IL27: variants seen among roughly 807,000 people sequenced by gnomAD.
IL27 encodes interleukin 27.
IL27 carries 11 observed loss-of-function variants against 27.0 expected under a neutral mutation model. That is an observed-to-expected ratio of 0.41 (90% CI 0.26 to 0.67). The LOEUF is 0.67. Ranked by LOEUF, IL27 falls within the 30% of genes least tolerant of loss-of-function variation. IL27 has a pLI of 0.34. For missense variants in IL27, 299 were observed against 310.4 expected, an observed-to-expected ratio of 0.96 and a Z score of 0.28; for synonymous variants, 134 against 140.6, an observed-to-expected ratio of 0.95 and a Z score of 0.33.
In IL27 at chr16:28,500,343, C is replaced by T. The variant is rs1186408498; in HGVS notation, c.463-423G>A. ...AGGCTGGAGTGCAGTGGGGTGATCA[C>T]GGCTCACTGCAACCTCTGTCTCCCC... On this transcript the variant is annotated intron_variant, in intron 4 of 4. Transcript: ENST00000356897. 4.6e-5 allele frequency among the ~76,000 whole-genome samples: 7 copies of T among 152,014 alleles called. No homozygotes were observed. In the East Asian group the frequency reaches 5.8e-4, roughly 13 times the overall value.
At position 28,503,865 on chromosome 16, in the gene IL27, TAGGGGG is replaced by T. The variant is rs2046447485; in HGVS notation, c.204+7_204+12del. ...TGCCCATCTCCAGCGCCAGCTGCAT[TAGGGGG>T]ACTTACAAAGCGGTGGGCCTGGCCC... is the stretch of plus-strand genomic sequence containing the variant. On this transcript the variant is annotated splice_region_variant and intron_variant, in intron 2 of 4. Transcript: ENST00000356897. 6.2e-7 allele frequency: 1 copy of T among 1,609,124 alleles called. No individual in the cohort carries two copies. Among genetic ancestry groups the T allele is most frequent in the Non-Finnish European group, 8.5e-7 (1 of 1,177,510 alleles).
intron 1 of IL27, among the ~76,000 whole-genome samples, chr16:28,505,968 T>C (rs891491489): frequency 7.2e-5 from 11 of 152,074 alleles, no homozygotes; most frequent in Admixed American, 2.0e-4. Flanking sequence ...GTAAGATCTC[T>C]GGCATTCAGA....
At chr16:28,500,919 G>A (rs757689233) in intron 4 of IL27, among the ~76,000 whole-genome samples, 4 of 152,006 alleles carry the variant, frequency 2.6e-5, no homozygotes, top group Non-Finnish European at 5.9e-5. Flanking sequence ...CACATTCATG[G>A]CTGGGCACAG....
intron 3 of IL27, 65 bp from the exon 4 acceptor site, chr16:28,502,199 C>A (rs751488906): frequency 4.1e-6 from 6 of 1,450,082 alleles, no homozygotes; most frequent in Non-Finnish European, 4.7e-6. Flanking sequence ...ACACCCACCC[C>A]CTCCCTATCC....
chr16:28,501,839 GA>G, intron 4 of IL27, 136 bp downstream of exon 4: 1 of 1,044,824 alleles, frequency 9.6e-7, no homozygotes, highest in Non-Finnish European at 1.4e-6. Flanking sequence ...TCACACTCAT[GA>G]ACCCACACAC....
intron 3 of IL27, 76 bp downstream of exon 3, chr16:28,503,613 CAGCTCA>C: frequency 1.0e-6 from 1 of 994,824 alleles, no homozygotes; most frequent in Non-Finnish European, 1.5e-6. Flanking sequence ...AATGCATCTC[CAGCTCA>C]ATCTCCAGCC....
chr16:28,499,976 C>A, intron 4 of IL27, 56 bp from the exon 5 acceptor site: 1 of 1,480,046 alleles, frequency 6.8e-7, no homozygotes, highest in South Asian at 1.3e-5. Context: ...TGAGAGGAAT[C>A]CTCATTCCCT....
At chr16:28,503,560 CT>C in intron 3 of IL27, 134 bp downstream of exon 3, 2 of 664,944 alleles carry the variant, frequency 3.0e-6, no homozygotes, top group Non-Finnish European at 2.6e-6. Context: ...TCTTTCATCT[CT>C]ATGTCCAATG....
rs895309563 is a variant in IL27 at position 28,499,861 on chromosome 16, C to CTCCTCCTCCTCCTCT, written c.507_521dup (p.Glu172_Glu176dup). The CTCCTCCTCCTCCTCT allele has an allele frequency of 6.4e-7, 1 of 1,555,624 alleles. No individual in the cohort carries two copies. The highest frequency in any genetic ancestry group is 1.4e-5 in the African/African-American group (1 of 73,132). On this transcript the variant is annotated inframe_insertion, in exon 5 of 5. Coordinates refer to ENST00000356897, the MANE Select transcript of IL27 (RefSeq NM_145659.3). ...CTGGGAGCAGCCCCTTCCTCTCCTCCTCCTCCTCCTCCTCTTCCTCCTCCT... is the reference window on the plus strand; with the variant it reads ...CTGGGAGCAGCCCCTTCCTCTCCTCCTCCTCCTCCTCCTCTTCCTCCTCCTCCTCTTCCTCCTCCT...
Position 28,502,167 on chromosome 16 carries a change from A to G in IL27, c.304-33T>C, listed in dbSNP as rs753113793. On this transcript the variant is annotated intron_variant, in intron 3 of 4. Transcript: ENST00000356897. ...GGAGGGAGATGGTCAGGAAAGGTCC[A>G]CAGGCCAAGGATGGCCATATCACAC... The G allele has an allele frequency of 9.7e-6, 15 of 1,553,626 alleles. No homozygotes were observed. In the East Asian group the frequency reaches 3.4e-4, roughly 35 times the overall value.
intron 1 of IL27, among the ~76,000 whole-genome samples, chr16:28,505,182 G>A (rs532651436): frequency 2.6e-5 from 4 of 152,354 alleles, no homozygotes; most frequent in East Asian, 1.9e-4. Flanking sequence ...TCAGCCAAGC[G>A]GCTCTGATGG....
intron 1 of IL27, among the ~76,000 whole-genome samples, chr16:28,504,537 G>A (rs1046959021): frequency 1.3e-5 from 2 of 151,182 alleles, no homozygotes; most frequent in Admixed American, 1.3e-4. Flanking sequence ...CCCCCATATG[G>A]CATCTCCGCA....
At chr16:28,501,014 A>G (rs1011323173) in intron 4 of IL27, among the ~76,000 whole-genome samples, 2 of 152,078 alleles carry the variant, frequency 1.3e-5, no homozygotes, top group African/African-American at 4.8e-5. Flanking sequence ...CCTGGCCAAC[A>G]TGGTGAAACT....
chr16:28,505,711 C>T (rs773094925), intron 1 of IL27, among the ~76,000 whole-genome samples: 1 of 152,146 alleles, frequency 6.6e-6, no homozygotes, highest in Non-Finnish European at 1.5e-5. Context: ...CAGCATTCAT[C>T]AATTTCCCCC....
rs761872543 is a variant in IL27, at chr16:28,499,756, G to T, written c.627C>A (p.Ser209=). The change falls in exon 5 of 5, where the codon TCC becomes TCA. Residue 209 remains serine (S), a synonymous_variant. Transcript: ENST00000356897. ...CGGCCCGAGATAAGACGAGCTCCAA[G>T]GAGTGCAGCAGGCGGTAGGTGGAGA... ...QLLSTYRLLH[S]LELVLSRAVR... 16 of 1,613,158 alleles carry T rather than the reference G, an allele frequency of 9.9e-6. No homozygotes were observed. Among genetic ancestry groups the T allele is most frequent in the African/African-American group, 1.3e-5 (1 of 74,898 alleles).
intron 1 of IL27, among the ~76,000 whole-genome samples, chr16:28,505,765 C>G (rs1024547176): frequency 6.6e-6 from 1 of 152,166 alleles, no homozygotes; most frequent in Non-Finnish European, 1.5e-5. Flanking sequence ...ACACAATTCT[C>G]CTCGAAACAC....
rs1362198506 is a variant in IL27 at position 28,503,802 on chromosome 16, C to T, written c.205-9G>A. The T allele has an allele frequency of 6.2e-7, 1 of 1,612,570 alleles. No individual in the cohort carries two copies. Among genetic ancestry groups the T allele is most frequent in the East Asian group, 2.2e-5 (1 of 44,846 alleles). On this transcript the variant is annotated splice_polypyrimidine_tract_variant and intron_variant, in intron 2 of 4. Transcript: ENST00000356897. ...GGCAGGTGAGATTCCGCCTGGGGGG[C>T]AAGGTCTGTTAGTGGGGGCCAGAAG...
At position 28,499,854 on chromosome 16, in the gene IL27, TCTCCTCCTCCTCCTCCTCCTCTTC is replaced by T. The variant is rs1567270019; in HGVS notation, c.505_528del (p.Glu169_Glu176del). 3 of 1,535,888 alleles carry T rather than the reference TCTCCTCCTCCTCCTCCTCCTCTTC, an allele frequency of 2.0e-6. No homozygotes were observed. Among genetic ancestry groups the T allele is most frequent in the East Asian group, 2.4e-5 (1 of 41,314 alleles). On this transcript the variant is annotated inframe_deletion, in exon 5 of 5. Transcript: ENST00000356897. The stretch of plus-strand genomic sequence containing the variant: ...AGTGCCCCTGGGAGCAGCCCCTTCC[TCTCCTCCTCCTCCTCCTCCTCTTC>T]CTCCTCCTCCTCCTCCGGGAGGTTG...
At chr16:28,503,113 C>T (rs911382716) in intron 3 of IL27, among the ~76,000 whole-genome samples, 9 of 152,096 alleles carry the variant, frequency 5.9e-5, no homozygotes, top group East Asian at 1.9e-4. Flanking sequence ...TGAGCCACTG[C>T]GCTCAGCTAA....
Sources: gnomAD v4.1 joint callset for allele counts (sites outside exome capture counted in the v4.1 genomes callset) on GRCh38, gnomAD v4.1.1 for gene constraint, MANE v1.5 for transcripts, NCBI Gene and HGNC (gene_info 2026-07-23, HGNC 2026-07-21) for gene names.